Variants in CDK8 observed in about 807,000 individuals in gnomAD.
The protein encoded by CDK8 is cyclin-dependent kinase 8.
In CDK8, 29 loss-of-function variants were observed where a neutral mutation model predicts 71.5. That is an observed-to-expected ratio of 0.41 (90% CI 0.30 to 0.55). CDK8 has a LOEUF of 0.55. CDK8 is among the 20% of genes least tolerant of loss of function. The pLI is 0.37. For missense variants in CDK8, 288 were observed against 572.6 expected, an observed-to-expected ratio of 0.50 and a Z score of 5.07; for synonymous variants, 161 against 192.1, an observed-to-expected ratio of 0.84 and a Z score of 1.34.
At chr13:26,345,267 C>T (rs1053671730) in intron 2 of CDK8, among the ~76,000 whole-genome samples, 1 of 152,184 alleles carries the variant, frequency 6.6e-6, no homozygotes, top group African/African-American at 2.4e-5. Flanking sequence ...CACTATTACT[C>T]ACTACTCTGG....
At chr13:26,381,319 CG>C (rs1875215994) in intron 4 of CDK8, among the ~76,000 whole-genome samples, 3 of 151,992 alleles carry the variant, frequency 2.0e-5, no homozygotes, top group South Asian at 2.1e-4. Flanking sequence ...TGAAGTAGGC[CG>C]GGCCCTAAGA....
At chr13:26,347,145 C>CATTG (rs1340957422) in intron 2 of CDK8, among the ~76,000 whole-genome samples, 15 of 152,024 alleles carry the variant, frequency 9.9e-5, no homozygotes, top group Non-Finnish European at 8.8e-5. Flanking sequence ...TGTTAGGCCA[C>CATTG]TTTGGTTATC....
intron 1 of CDK8, among the ~76,000 whole-genome samples, chr13:26,309,332 G>A (rs1874181189): frequency 6.6e-6 from 1 of 151,882 alleles, no homozygotes; most frequent in Admixed American, 6.6e-5. Context: ...GTAGAGACGG[G>A]GTTTCACCGT....
intron 4 of CDK8, among the ~76,000 whole-genome samples, chr13:26,355,397 C>T (rs531106380): frequency 1.4e-4 from 22 of 152,278 alleles, no homozygotes; most frequent in South Asian, 1.0e-3. Flanking sequence ...GGGTGGATCA[C>T]GAGGTCAGGA....
At chr13:26,269,791 CTTAGTA>C (rs765303504) in intron 1 of CDK8, among the ~76,000 whole-genome samples, 130 of 152,062 alleles carry the variant, frequency 8.5e-4, no homozygotes, top group East Asian at 5.0e-3. Context: ...AGGTTTTTTT[CTTAGTA>C]AAATTCTGTA....
At chr13:26,321,415 A>G (rs1448441469) in intron 1 of CDK8, among the ~76,000 whole-genome samples, 2 of 152,100 alleles carry the variant, frequency 1.3e-5, no homozygotes, top group African/African-American at 4.8e-5. Flanking sequence ...TGTAGTGGTT[A>G]TGGTTTCTTT....
chr13:26,361,784 C>CTTTTTTTTTTTTTTTTTTT lies in CDK8; in HGVS notation c.456+7915_456+7933dup, dbSNP rs553508554. On this transcript the variant is annotated intron_variant, in intron 4 of 12. Coordinates refer to ENST00000381527, the MANE Select transcript of CDK8 (RefSeq NM_001260.3). ...TCTTTTTGTCTTTCTTTTCTTTTCC[C>CTTTTTTTTTTTTTTTTTTT]TTTTTTTTTTTTTTTTTTTTTTTTT... Among the ~76,000 whole-genome samples the CTTTTTTTTTTTTTTTTTTT allele has an allele frequency of 1.1e-4, 7 of 63,346 alleles. 1 individual carries two copies. Among genetic ancestry groups the CTTTTTTTTTTTTTTTTTTT allele is most frequent in the African/African-American group, 3.5e-4 (5 of 14,236 alleles). 41.6% of individuals were successfully genotyped at this position (63,346 alleles called of 152,430 possible).
At chr13:26,334,062 ATTAT>A (rs1175703254) in intron 1 of CDK8, among the ~76,000 whole-genome samples, 1 of 152,134 alleles carries the variant, frequency 6.6e-6, no homozygotes, top group Non-Finnish European at 1.5e-5. Flanking sequence ...TTTATTTGGT[ATTAT>A]TTTTCTCCAT....
intron 2 of CDK8, among the ~76,000 whole-genome samples, chr13:26,346,885 A>G (rs1343631927): frequency 6.6e-6 from 1 of 152,208 alleles, no homozygotes; most frequent in Non-Finnish European, 1.5e-5. Flanking sequence ...CCCCCAATAT[A>G]GTGTTAACTT....
intron 2 of CDK8, among the ~76,000 whole-genome samples, chr13:26,339,756 A>AT (rs57119146): frequency 0.24 from 33,796 of 142,868 alleles, 4,549 homozygotes; most frequent in East Asian, 0.3. Flanking sequence ...TTAAAAAAAA[A>AT]ATATATATAT....
rs1046372146 is a variant in CDK8, at chr13:26,403,229, G to T, written c.1270-727G>T. ...AAATAAGATTCAGTAGCTTAAAGGG[G>T]CCAGGCACTGTGGCTCATGCCCGTA... On this transcript the variant is annotated intron_variant, in intron 12 of 12. Transcript: ENST00000381527. Among the ~76,000 whole-genome samples, 5 of 152,202 alleles carry T rather than the reference G, an allele frequency of 3.3e-5. No individual in the cohort carries two copies. In the South Asian group the frequency reaches 6.2e-4, roughly 19 times the overall value.
chr13:26,387,082 G>A (rs892201983), intron 6 of CDK8, among the ~76,000 whole-genome samples: 3 of 151,836 alleles, frequency 2.0e-5, no homozygotes, highest in Non-Finnish European at 4.4e-5. Flanking sequence ...TTTTTCTCAT[G>A]TTTTTCTGCC....
intron 1 of CDK8, among the ~76,000 whole-genome samples, chr13:26,284,783 C>T (rs1262040034): frequency 1.3e-5 from 2 of 151,564 alleles, no homozygotes; most frequent in African/African-American, 4.9e-5. Context: ...GCCAGTATCA[C>T]CCTAATACCA....
intron 4 of CDK8, among the ~76,000 whole-genome samples, chr13:26,375,852 T>C (rs1261095338): frequency 6.6e-6 from 1 of 152,226 alleles, no homozygotes; most frequent in African/African-American, 2.4e-5. Context: ...TGATTTGATC[T>C]GATAATTCTA....
chr13:26,293,492 C>T (rs1873398358), intron 1 of CDK8, among the ~76,000 whole-genome samples: 1 of 150,880 alleles, frequency 6.6e-6, no homozygotes, highest in South Asian at 2.1e-4. Context: ...GTAGTCTCAG[C>T]TACTCGGGAG....
At chr13:26,257,813 C>T (rs1303094575) in intron 1 of CDK8, among the ~76,000 whole-genome samples, 1 of 151,936 alleles carries the variant, frequency 6.6e-6, no homozygotes, top group Non-Finnish European at 1.5e-5. Flanking sequence ...AAACAAAAGG[C>T]ATTTTCTTAG....
chr13:26,271,715 C>T (rs1410250175), intron 1 of CDK8, among the ~76,000 whole-genome samples: 2 of 143,368 alleles, frequency 1.4e-5, no homozygotes, highest in South Asian at 2.3e-4. Flanking sequence ...GAGACCGAGG[C>T]GGTAGGATTG....
At chr13:26,400,890 A>G (rs1876224283) in intron 10 of CDK8, among the ~76,000 whole-genome samples, 1 of 152,124 alleles carries the variant, frequency 6.6e-6, no homozygotes, top group Admixed American at 6.5e-5. Flanking sequence ...TGTGTTCCCT[A>G]TACCATCTTT....
chr13:26,389,451 C>G (rs189028246), intron 6 of CDK8, among the ~76,000 whole-genome samples: 25 of 152,072 alleles, frequency 1.6e-4, no homozygotes, highest in African/African-American at 5.8e-4. Flanking sequence ...TGAGCCACGA[C>G]ACCCAGCCAA....
Sources: allele counts gnomAD v4.1 joint callset (sites outside exome capture counted in the v4.1 genomes callset), GRCh38; gene constraint gnomAD v4.1.1; transcripts MANE v1.5; gene names NCBI Gene and HGNC (gene_info 2026-07-23, HGNC 2026-07-21).